LPAR1: variants seen among roughly 807,000 people sequenced by gnomAD.
The protein encoded by LPAR1 is lysophosphatidic acid receptor 1, also known as LPA receptor 1.
A neutral mutation model predicts 23.8 loss-of-function variants in LPAR1; 5 were observed. The ratio of observed to expected loss-of-function variants is 0.21; its 90% CI spans 0.11 to 0.44. LPAR1 has a LOEUF of 0.44. Ranked by LOEUF, LPAR1 falls within the 20% of genes least tolerant of loss-of-function variation. The pLI, the probability that LPAR1 is intolerant of heterozygous loss-of-function variation, is 0.99. For synonymous variants in LPAR1, 160 were observed against 164.7 expected (o/e 0.97, Z 0.22); for missense variants, 311 against 482.8 (o/e 0.64, Z 3.33).
chr9:111,008,082 G>C (rs879456553), intron 2 of LPAR1, among the ~76,000 whole-genome samples: 4 of 151,862 alleles, frequency 2.6e-5, no homozygotes, highest in Non-Finnish European at 5.9e-5. Flanking sequence ...GCTAAGACAG[G>C]AGAATCACTT....
intron 4 of LPAR1, among the ~76,000 whole-genome samples, chr9:110,944,471 A>G (rs1371732181): frequency 6.6e-6 from 1 of 152,224 alleles, no homozygotes; most frequent in East Asian, 1.9e-4. Context: ...CAAATATAAA[A>G]GTCTGTTCTT....
At chr9:110,876,894 C>A (rs1441696644) in intron 5 of LPAR1, among the ~76,000 whole-genome samples, 5 of 152,202 alleles carry the variant, frequency 3.3e-5, no homozygotes, top group African/African-American at 1.2e-4. Context: ...AATCCTACCA[C>A]TGTGTTACTC....
At chr9:110,950,012 G>A (rs1295330600) in intron 4 of LPAR1, among the ~76,000 whole-genome samples, 1 of 152,150 alleles carries the variant, frequency 6.6e-6, no homozygotes, top group Non-Finnish European at 1.5e-5. Context: ...ATGATATTCT[G>A]ACAATCTATA....
chr9:110,885,257 G>A (rs920628748), intron 5 of LPAR1, among the ~76,000 whole-genome samples: 1 of 152,150 alleles, frequency 6.6e-6, no homozygotes, highest in Admixed American at 6.5e-5. Flanking sequence ...TGCAGTGGGT[G>A]GGGGGTCATC....
chr9:110,989,562 C>G (rs1564268117), intron 2 of LPAR1, among the ~76,000 whole-genome samples: 1 of 151,990 alleles, frequency 6.6e-6, no homozygotes, highest in Admixed American at 6.6e-5. Context: ...AAGTTGCCTA[C>G]AATAAATTAA....
intron 5 of LPAR1, among the ~76,000 whole-genome samples, chr9:110,908,320 T>C (rs914356755): frequency 6.7e-6 from 1 of 149,082 alleles, no homozygotes; most frequent in Non-Finnish European, 1.5e-5. Context: ...AACAAATTAA[T>C]ATTAATTAAT....
At chr9:110,917,763 C>T (rs191178771) in intron 5 of LPAR1, among the ~76,000 whole-genome samples, 1 of 152,298 alleles carries the variant, frequency 6.6e-6, no homozygotes, top group Admixed American at 6.5e-5. Context: ...TTGTGTTTTA[C>T]ATCTTCATTA....
chr9:110,981,024 T>C (rs532322611), intron 2 of LPAR1, among the ~76,000 whole-genome samples: 1 of 152,266 alleles, frequency 6.6e-6, no homozygotes, highest in Admixed American at 6.5e-5. Flanking sequence ...TAAGTAACTT[T>C]ATGTTTACAT....
chr9:110,985,379 C>G (rs2096757812), intron 2 of LPAR1, among the ~76,000 whole-genome samples: 2 of 151,586 alleles, frequency 1.3e-5, no homozygotes, highest in Admixed American at 1.3e-4. Flanking sequence ...GCTTCTCCAG[C>G]TTTTCAATTA....
intron 5 of LPAR1, among the ~76,000 whole-genome samples, chr9:110,890,131 A>T (rs2083645995): frequency 6.6e-6 from 1 of 152,208 alleles, no homozygotes; most frequent in Non-Finnish European, 1.5e-5. Context: ...TAGATGATGA[A>T]GTTCACACAA....
intron 5 of LPAR1, among the ~76,000 whole-genome samples, chr9:110,932,752 G>A (rs767529325): frequency 9.2e-5 from 14 of 152,344 alleles, no homozygotes; most frequent in African/African-American, 1.7e-4. Flanking sequence ...TCTAGATTGC[G>A]TGCTTCTTAT....
intron 5 of LPAR1, among the ~76,000 whole-genome samples, chr9:110,877,678 A>G (rs193160873): frequency 6.6e-6 from 1 of 152,356 alleles, no homozygotes; most frequent in Admixed American, 6.5e-5. Flanking sequence ...CAGTCCCTTC[A>G]TGAATGGAAC....
chr9:110,987,670 G>GTATATATATA (rs34757955), intron 2 of LPAR1, among the ~76,000 whole-genome samples: 10 of 147,900 alleles, frequency 6.8e-5, no homozygotes, highest in Admixed American at 2.7e-4. Flanking sequence ...GAACCTACAT[G>GTATATATATA]TATATATATA....
At chr9:110,983,104 T>C (rs1415834772) in intron 2 of LPAR1, among the ~76,000 whole-genome samples, 2 of 151,856 alleles carry the variant, frequency 1.3e-5, no homozygotes, top group Non-Finnish European at 2.9e-5. Context: ...AGTATAGAGG[T>C]TCCTCAAAAA....
intron 4 of LPAR1, among the ~76,000 whole-genome samples, chr9:110,952,220 G>A (rs143936363): frequency 1.3e-5 from 2 of 152,174 alleles, no homozygotes; most frequent in African/African-American, 2.4e-5. Context: ...ACAGCTCTTC[G>A]ATGTAGGGAA....
intron 5 of LPAR1, among the ~76,000 whole-genome samples, chr9:110,916,659 T>C (rs978541187): frequency 3.9e-5 from 6 of 152,094 alleles, no homozygotes; most frequent in African/African-American, 1.4e-4. Flanking sequence ...TTCTGTCTTG[T>C]AGCTGAGGTG....
intron 2 of LPAR1, among the ~76,000 whole-genome samples, chr9:111,003,563 T>C (rs1036454904): frequency 6.6e-6 from 1 of 152,212 alleles, no homozygotes; most frequent in African/African-American, 2.4e-5. Context: ...TTTTCTTATT[T>C]GGAAGGAAAA....
intron 2 of LPAR1, among the ~76,000 whole-genome samples, chr9:110,984,536 A>G (rs1042318326): frequency 6.6e-6 from 1 of 152,136 alleles, no homozygotes; most frequent in Non-Finnish European, 1.5e-5. Flanking sequence ...TGCAATAAAC[A>G]TGAGAGTGAA....
At position 110,875,690 on chromosome 9, in the gene LPAR1, C is replaced by A; in HGVS notation, c.826G>T (p.Val276Phe). The change falls in exon 6 of 6, where the codon GTT (valine) becomes TTT (phenylalanine). Residue 276 changes from valine (V) to phenylalanine (F), a missense_variant. This residue lies in a region of LPAR1 where 250 missense variants were observed against 427.2 expected (regional missense o/e 0.59). Transcript: ENST00000683809. The stretch of plus-strand genomic sequence containing the variant: ...CAGCACACGTCTAGAAGTAACAAAA[C>A]CAATCCAGGAGTCCAGCAGATGATA... ...AFIICWTPGL[V>F]LLLLDVCCPQ... 1 of 1,609,572 alleles carries A rather than the reference C, an allele frequency of 6.2e-7. No individual in the cohort carries two copies. The highest frequency in any genetic ancestry group is 2.2e-5 in the East Asian group (1 of 44,790).
Sources: allele counts gnomAD v4.1 joint callset (sites outside exome capture counted in the v4.1 genomes callset), GRCh38; gene constraint gnomAD v4.1.1; regional missense constraint gnomAD v4.1.1; transcripts MANE v1.5; gene names NCBI Gene and HGNC (gene_info 2026-07-23, HGNC 2026-07-21).